Variants in COL14A1 observed in about 807,000 individuals in gnomAD.
The protein encoded by COL14A1 is collagen alpha-1(XIV) chain.
In COL14A1, 136 loss-of-function variants were observed where a neutral mutation model predicts 230.3. The ratio of observed to expected loss-of-function variants is 0.59; its 90% CI spans 0.51 to 0.68. COL14A1 has a LOEUF of 0.68. Ranked by LOEUF, COL14A1 falls within the 30% of genes least tolerant of loss-of-function variation. The pLI is 0.00. For missense variants in COL14A1, 1,976 were observed against 2,215.8 expected, an observed-to-expected ratio of 0.89 and a Z score of 2.17; for synonymous variants, 792 against 784.1, an observed-to-expected ratio of 1.01 and a Z score of -0.17.
chr8:120,139,061 C>G (rs1814807764), intron 1 of COL14A1, among the ~76,000 whole-genome samples: 1 of 152,176 alleles, frequency 6.6e-6, no homozygotes. Flanking sequence ...TTTCTAGTGA[C>G]AGAGAAGAAA....
intron 19 of COL14A1, among the ~76,000 whole-genome samples, chr8:120,234,249 C>T (rs1241424316): frequency 2.0e-5 from 3 of 152,182 alleles, no homozygotes; most frequent in African/African-American, 7.2e-5. Context: ...GCAATCATGT[C>T]ATCTGCAAAC....
In COL14A1 at chr8:120,310,025, G is replaced by A. The variant is rs1314127778; in HGVS notation, c.4418G>A (p.Arg1473Gln). 9 of 1,613,582 alleles carry A rather than the reference G, an allele frequency of 5.6e-6. No individual in the cohort carries two copies. The highest frequency in any genetic ancestry group is 1.3e-5 in the African/African-American group (1 of 74,878). The stretch of plus-strand genomic sequence containing the variant: ...GTTTGCCAGGGTGGTCCAGGACTCC[G>A]AGGACCAAAGGGCCAGCAAGGTGAA... Reference protein sequence around the residue: ...PAGPPGGPGLRGPKGQQGEPG... With the variant: ...PAGPPGGPGLQGPKGQQGEPG... The change falls in exon 37 of 48, where the codon CGA (arginine) becomes CAA (glutamine). Residue 1473 changes from arginine to glutamine, a missense_variant. Coordinates refer to ENST00000297848, the MANE Select transcript of COL14A1 (RefSeq NM_021110.4).
At chr8:120,203,903 T>C (rs745439619) in intron 9 of COL14A1, 33 bp downstream of exon 9, 3 of 1,604,916 alleles carry the variant, frequency 1.9e-6, no homozygotes, top group Non-Finnish European at 2.6e-6. Flanking sequence ...CCTGTGGATG[T>C]CAGTATTATG....
intron 31 of COL14A1, among the ~76,000 whole-genome samples, chr8:120,281,484 G>T (rs1043347348): frequency 2.6e-5 from 4 of 151,500 alleles, no homozygotes; most frequent in Non-Finnish European, 5.9e-5. Flanking sequence ...AGGATTGCTT[G>T]AGCTCAGGAG....
At chr8:120,291,583 CA>C (rs1820379896) in intron 34 of COL14A1, among the ~76,000 whole-genome samples, 1 of 137,076 alleles carries the variant, frequency 7.3e-6, no homozygotes, top group Non-Finnish European at 1.6e-5. Context: ...AAAAAAAAAC[CA>C]AAAAACCACA....
At chr8:120,333,912 A>T (rs939977055) in intron 42 of COL14A1, among the ~76,000 whole-genome samples, 1 of 152,174 alleles carries the variant, frequency 6.6e-6, no homozygotes, top group African/African-American at 2.4e-5. Context: ...GACCTATGTG[A>T]TTACATTCAG....
At chr8:120,255,953 A>C (rs1246146619) in intron 23 of COL14A1, among the ~76,000 whole-genome samples, 1 of 152,160 alleles carries the variant, frequency 6.6e-6, no homozygotes, top group Non-Finnish European at 1.5e-5. Context: ...TGTCTTCATT[A>C]AAAATATCGA....
intron 22 of COL14A1, among the ~76,000 whole-genome samples, chr8:120,252,949 A>C (rs967629816): frequency 6.6e-6 from 1 of 152,142 alleles, no homozygotes; most frequent in East Asian, 1.9e-4. Context: ...ACAGTGAATA[A>C]ATTTATCTTA....
chr8:120,368,275 A>G (rs984950519), intron 46 of COL14A1, among the ~76,000 whole-genome samples: 2 of 152,150 alleles, frequency 1.3e-5, no homozygotes, highest in Non-Finnish European at 2.9e-5. Context: ...ACATTAAGTA[A>G]AGTGCTTTAC....
At chr8:120,279,802 A>G in intron 28 of COL14A1, 133 bp from the exon 29 acceptor site, 1 of 848,304 alleles carries the variant, frequency 1.2e-6, no homozygotes, top group Non-Finnish European at 1.8e-6. Context: ...GATGAACTGT[A>G]AAGAATGAAT....
At chr8:120,192,871 T>G (rs1816876261) in intron 5 of COL14A1, among the ~76,000 whole-genome samples, 1 of 152,224 alleles carries the variant, frequency 6.6e-6, no homozygotes, top group Non-Finnish European at 1.5e-5. Flanking sequence ...TTCACGTAGT[T>G]CTCGAGCCTT....
At chr8:120,357,503 T>G (rs946644511) in intron 45 of COL14A1, among the ~76,000 whole-genome samples, 1 of 152,146 alleles carries the variant, frequency 6.6e-6, no homozygotes, top group Non-Finnish European at 1.5e-5. Flanking sequence ...ATATTCTATT[T>G]GTTAGAAGGG....
At chr8:120,224,199 G>A (rs965641694) in intron 14 of COL14A1, among the ~76,000 whole-genome samples, 1 of 151,664 alleles carries the variant, frequency 6.6e-6, no homozygotes, top group Non-Finnish European at 1.5e-5. Flanking sequence ...GCTAATTTTT[G>A]TATTTTTAGT....
chr8:120,208,510 G>C, intron 11 of COL14A1, 149 bp downstream of exon 11: 1 of 834,612 alleles, frequency 1.2e-6, no homozygotes. Context: ...TGCTATATGT[G>C]ATACTGGTCC....
intron 14 of COL14A1, among the ~76,000 whole-genome samples, chr8:120,219,965 G>A (rs192301831): frequency 1.3e-5 from 2 of 151,720 alleles, no homozygotes; most frequent in Non-Finnish European, 2.9e-5. Context: ...TTGTAACATC[G>A]GTTTTGACTA....
At chr8:120,364,429 A>G (rs974210280) in intron 45 of COL14A1, among the ~76,000 whole-genome samples, 1 of 152,192 alleles carries the variant, frequency 6.6e-6, no homozygotes, top group African/African-American at 2.4e-5. Flanking sequence ...GTACTTAAAT[A>G]CTGATTTTTA....
intron 5 of COL14A1, among the ~76,000 whole-genome samples, chr8:120,179,044 T>C (rs11997372): frequency 0.34 from 51,485 of 151,874 alleles, 9,552 homozygotes; most frequent in Admixed American, 0.48. Flanking sequence ...ACTCTGATGA[T>C]AGTTTCTTTT....
intron 26 of COL14A1, 80 bp downstream of exon 26, chr8:120,270,254 AC>A: frequency 7.3e-7 from 1 of 1,378,826 alleles, no homozygotes; most frequent in African/African-American, 1.5e-5. Context: ...CTTGTCAGGG[AC>A]TATAGGTCAA....
Position 120,131,838 on chromosome 8 carries a change from C to CTTT in COL14A1, c.-38+6522_-38+6524dup, listed in dbSNP as rs1172286717. Among the ~76,000 whole-genome samples, 34 of 68,952 alleles carry CTTT rather than the reference C, an allele frequency of 4.9e-4. 1 individual carries two copies. The highest frequency in any genetic ancestry group is 1.3e-3 in the African/African-American group (23 of 17,452). The allele number at this position is 68,952 out of a possible 152,430, so 45.2% of individuals were successfully genotyped here. On this transcript the variant is annotated intron_variant, in intron 1 of 47. Transcript: ENST00000297848. ...GGTTTTCTTCCTTTTTTCTTCCTTT[C>CTTT]TTTTTTTTTTTTTTTTTTTTTTTTT...
Sources: allele counts gnomAD v4.1 joint callset (sites outside exome capture counted in the v4.1 genomes callset), GRCh38; gene constraint gnomAD v4.1.1; transcripts MANE v1.5; gene names NCBI Gene and HGNC (gene_info 2026-07-23, HGNC 2026-07-21).